SIN3A: variants seen among roughly 807,000 people sequenced by gnomAD.
SIN3A encodes SIN3 transcription regulator family member A.
Under a neutral mutation model 146.1 loss-of-function variants are expected in SIN3A, and 14 were observed. The ratio of observed to expected loss-of-function variants is 0.10; its 90% CI spans 0.06 to 0.15. The LOEUF (loss-of-function observed/expected upper bound fraction) is 0.15. Ranked by LOEUF, SIN3A falls within the 10% of genes least tolerant of loss-of-function variation. The pLI, the probability that SIN3A is intolerant of heterozygous loss-of-function variation, is 1.00. For missense variants in SIN3A, 1,028 were observed against 1,576.0 expected, an observed-to-expected ratio of 0.65 and a Z score of 5.89; for synonymous variants, 572 against 572.0, an observed-to-expected ratio of 1.00 and a Z score of 0.00.
chr15:75,434,482 T>C (rs755212299), intron 1 of SIN3A, among the ~76,000 whole-genome samples: 1 of 151,976 alleles, frequency 6.6e-6, no homozygotes, highest in Non-Finnish European at 1.5e-5. Context: ...AAACCCTCCC[T>C]CTACTAAAAA....
At chr15:75,444,594 T>A (rs1280042532) in intron 1 of SIN3A, among the ~76,000 whole-genome samples, 1 of 150,074 alleles carries the variant, frequency 6.7e-6, no homozygotes, top group African/African-American at 2.4e-5. Flanking sequence ...CCAGACCAGG[T>A]GCAGTGGCTC....
rs2076279828 is a variant in SIN3A, at chr15:75,371,927, C to T, written c.*52G>A. The T allele has an allele frequency of 4.0e-6, 6 of 1,494,754 alleles. No individual in the cohort carries two copies. In the South Asian group the frequency reaches 4.6e-5, roughly 11 times the overall value. 92.6% of individuals were successfully genotyped at this position (1,494,754 alleles called of 1,614,324 possible). ...TTTCTTCAGTGTGTGAGTGCATAGG[C>T]CCACACACACATCCCCACACACACC... On this transcript the variant is annotated 3_prime_UTR_variant, in exon 21 of 21. Coordinates refer to ENST00000394947, the MANE Select transcript of SIN3A (RefSeq NM_001145358.2).
intron 3 of SIN3A, chr15:75,419,168 T>C (rs1233115273): frequency 6.6e-6 from 1 of 152,196 alleles, no homozygotes; most frequent in Non-Finnish European, 1.5e-5. Context: ...ACCCACTTGT[T>C]TGATGGTTAG....
At chr15:75,382,930 C>A (rs1359339932) in intron 17 of SIN3A, among the ~76,000 whole-genome samples, 1 of 152,146 alleles carries the variant, frequency 6.6e-6, no homozygotes, top group East Asian at 1.9e-4. Context: ...TAAACACACA[C>A]ACCCACACAA....
chr15:75,383,984 T>C (rs560775338), intron 17 of SIN3A: 2 of 184,530 alleles, frequency 1.1e-5, no homozygotes, highest in East Asian at 1.4e-4. Context: ...AACAATAATA[T>C]TTACAAAGCA....
intron 1 of SIN3A, among the ~76,000 whole-genome samples, chr15:75,436,659 G>T (rs1273570643): frequency 6.6e-6 from 1 of 151,904 alleles, no homozygotes; most frequent in Non-Finnish European, 1.5e-5. Context: ...TGTGTATATG[G>T]GTGTTCATTA....
chr15:75,433,938 A>C (rs1011388991), intron 1 of SIN3A, among the ~76,000 whole-genome samples: 1 of 152,202 alleles, frequency 6.6e-6, no homozygotes, highest in African/African-American at 2.4e-5. Flanking sequence ...CCTTCACAAC[A>C]ACCTTATAAG....
chr15:75,379,437 C>T (rs971120702), intron 19 of SIN3A, among the ~76,000 whole-genome samples: 1 of 152,144 alleles, frequency 6.6e-6, no homozygotes, highest in Admixed American at 6.5e-5. Flanking sequence ...GCCACCAGAA[C>T]GATTATATCA....
chr15:75,416,192 ATTG>A (rs1037542950), intron 3 of SIN3A, among the ~76,000 whole-genome samples: 1 of 152,180 alleles, frequency 6.6e-6, no homozygotes, highest in Non-Finnish European at 1.5e-5. Context: ...AGAACACTTC[ATTG>A]TTGTTTTGGT....
chr15:75,395,655 T>C (rs903377870), intron 13 of SIN3A, among the ~76,000 whole-genome samples: 2 of 152,098 alleles, frequency 1.3e-5, no homozygotes, highest in South Asian at 4.1e-4. Context: ...GCCAGCACTT[T>C]GGGGAGGCCA....
At chr15:75,386,438 G>A (rs2073081189) in intron 16 of SIN3A, among the ~76,000 whole-genome samples, 1 of 152,162 alleles carries the variant, frequency 6.6e-6, no homozygotes, top group Non-Finnish European at 1.5e-5. Flanking sequence ...CAAATCCAGA[G>A]ACAGCTACGG....
Position 75,394,783 on chromosome 15 carries a change from T to A in SIN3A, c.2174A>T (p.Tyr725Phe). 6.2e-7 allele frequency: 1 copy of A among 1,614,094 alleles called. No individual in the cohort carries two copies. Among genetic ancestry groups the A allele is most frequent in the Non-Finnish European group, 8.5e-7 (1 of 1,179,928 alleles). The change falls in exon 14 of 21, where the codon TAC becomes TTC. Residue 725 changes from tyrosine (Y) to phenylalanine (F), a missense_variant. Physicochemically the swap from Tyr to Phe is conservative, Grantham distance 22. This residue lies in a region of SIN3A where 488 missense variants were observed against 690.2 expected (regional missense o/e 0.71). Coordinates refer to ENST00000394947, the MANE Select transcript of SIN3A (RefSeq NM_001145358.2). ...CCCCTGGTGGTCCAGAGACTTCAAG[T>A]AGTATTTCTCATTTTGTTCTCGCCA... is the stretch of plus-strand genomic sequence containing the variant. ...KVWREQNEKY[Y>F]LKSLDHQGIN...
chr15:75,427,040 G>C (rs973214450), intron 2 of SIN3A, among the ~76,000 whole-genome samples: 3 of 152,046 alleles, frequency 2.0e-5, no homozygotes, highest in South Asian at 4.1e-4. Flanking sequence ...TCTGAGGTGT[G>C]ACAGAAAAAA....
At chr15:75,452,863 A>G, upstream of SIN3A, 1 of 152,298 alleles carries the variant, frequency 6.6e-6, no homozygotes, top group Non-Finnish European at 1.5e-5. Context: ...GACATAAGAT[A>G]ACGGCTGTTC....
At chr15:75,441,432 A>C (rs1002058968) in intron 1 of SIN3A, among the ~76,000 whole-genome samples, 2 of 152,190 alleles carry the variant, frequency 1.3e-5, no homozygotes, top group Non-Finnish European at 2.9e-5. Context: ...CAGCTTCCTA[A>C]GTAGCTGGGA....
chr15:75,396,632 GTTTC>G (rs1374731515), intron 12 of SIN3A, 136 bp from the exon 13 acceptor site: 2 of 630,752 alleles, frequency 3.2e-6, no homozygotes, highest in Non-Finnish European at 5.5e-6. Flanking sequence ...ACATAAGACT[GTTTC>G]TTTATCAGCA....
At chr15:75,402,122 A>G in intron 9 of SIN3A, 152 bp from the exon 10 acceptor site, 1 of 615,282 alleles carries the variant, frequency 1.6e-6, no homozygotes, top group Non-Finnish European at 2.9e-6. Context: ...AGCTGGGACT[A>G]CAGGTGTGAG....
chr15:75,423,035 T>G (rs1264321865), intron 2 of SIN3A, among the ~76,000 whole-genome samples: 1 of 152,148 alleles, frequency 6.6e-6, no homozygotes, highest in Non-Finnish European at 1.5e-5. Flanking sequence ...GCCACTGCAT[T>G]CCAGCTTGGG....
intron 15 of SIN3A, 104 bp from the exon 16 acceptor site, chr15:75,389,925 T>C (rs753903898): frequency 1.0e-5 from 11 of 1,052,156 alleles, no homozygotes; most frequent in Non-Finnish European, 1.6e-5. Flanking sequence ...TTTGAAAGTA[T>C]GAACACTAGG....
Sources: allele counts gnomAD v4.1 joint callset (sites outside exome capture counted in the v4.1 genomes callset), GRCh38; gene constraint gnomAD v4.1.1; regional missense constraint gnomAD v4.1.1; transcripts MANE v1.5; gene names NCBI Gene and HGNC (gene_info 2026-07-23, HGNC 2026-07-21).